Variants in MDN1 observed in about 807,000 individuals in gnomAD.
MDN1 encodes the protein midasin.
In MDN1, 266 loss-of-function variants were observed where a neutral mutation model predicts 669.2. The observed-to-expected ratio is 0.40, with a 90% CI of 0.36 to 0.44. The LOEUF is 0.44. Ranked by LOEUF, MDN1 falls within the 20% of genes least tolerant of loss-of-function variation. The pLI is 1.00. For synonymous variants in MDN1, 2,385 were observed against 2,457.1 expected (o/e 0.97, Z 0.87); for missense variants, 5,940 against 6,754.0 (o/e 0.88, Z 4.22).
rs368974822 is a variant in MDN1 at position 89,700,313 on chromosome 6, GT to G, written c.8639-20del. ...AATTCATCTGGACAAAAAGACAAAT[GT>G]TGTATGAGAGCACAATGGTTAAGAG... On this transcript the variant is annotated intron_variant, in intron 56 of 101. Coordinates refer to ENST00000369393, the MANE Select transcript of MDN1 (RefSeq NM_014611.3). The G allele has an allele frequency of 2.6e-4, 418 of 1,581,304 alleles. 1 individual carries two copies. In the South Asian group the frequency reaches 4.4e-3, roughly 17 times the overall value.
At chr6:89,672,734 C>A (rs1810900731) in intron 80 of MDN1, 32 bp from the exon 81 acceptor site, 1 of 1,603,940 alleles carries the variant, frequency 6.2e-7, no homozygotes. Flanking sequence ...AACAAACATA[C>A]AAACAAAAGA....
At position 89,712,222 on chromosome 6, in the gene MDN1, T is replaced by C. The variant is rs1268288335; in HGVS notation, c.7465A>G (p.Ile2489Val). The change falls in exon 49 of 102, where the codon ATT becomes GTT. Residue 2489 changes from isoleucine (I) to valine (V), a missense_variant. Around this residue, in one of 5 missense-constraint regions of MDN1, gnomAD observed 2,292 missense variants for 2,638.3 expected, o/e 0.87. Coordinates refer to ENST00000369393, the MANE Select transcript of MDN1 (RefSeq NM_014611.3). ...QPFTLQDLEKIMQSPSPENLK... is the reference protein window; with the variant it reads ...QPFTLQDLEKVMQSPSPENLK... Reference sequence around the variant, plus strand: ...TTCTCAGGGCTGGGGGACTGCATAATTTTCTCTAAGTCTTGCAAGGTAAAA... The same window carrying C: ...TTCTCAGGGCTGGGGGACTGCATAACTTTCTCTAAGTCTTGCAAGGTAAAA... 1.2e-5 allele frequency: 19 copies of C among 1,614,114 alleles called. No homozygotes were observed. Among genetic ancestry groups the C allele is most frequent in the Non-Finnish European group, 1.5e-5 (18 of 1,179,988 alleles).
intron 23 of MDN1, 148 bp from the exon 24 acceptor site, chr6:89,750,680 G>A: frequency 2.6e-6 from 2 of 757,664 alleles, no homozygotes; most frequent in Non-Finnish European, 4.2e-6. Flanking sequence ...ATAGCTCACT[G>A]CAGCCTCGAC....
In MDN1 at chr6:89,644,134, G is replaced by C; in HGVS notation, c.16662C>G (p.Ile5554Met). The change falls in exon 102 of 102, where the codon ATC becomes ATG. Residue 5554 changes from isoleucine (I) to methionine (M), a missense_variant. Ile to Met is a conservative substitution (Grantham distance 10). This residue lies in a region of MDN1 where 2,280 missense variants were observed against 2,576.3 expected (regional missense o/e 0.88). Coordinates refer to ENST00000369393, the MANE Select transcript of MDN1 (RefSeq NM_014611.3). The part of the protein sequence containing the change: ...IFKGPGEMPE[I>M]RSYMEEFPFP... ...ATGGGAACTCTTCCATGTAGGATCGGATTTCAGGCATCTCTCCAGGTCCTT... is the reference window on the plus strand; with the variant it reads ...ATGGGAACTCTTCCATGTAGGATCGCATTTCAGGCATCTCTCCAGGTCCTT... 6.2e-7 allele frequency: 1 copy of C among 1,614,130 alleles called. No homozygotes were observed. The highest frequency in any genetic ancestry group is 8.5e-7 in the Non-Finnish European group (1 of 1,180,016).
chr6:89,760,475 G>C (rs532601057), intron 17 of MDN1, among the ~76,000 whole-genome samples: 17 of 152,208 alleles, frequency 1.1e-4, no homozygotes, highest in Admixed American at 3.3e-4. Flanking sequence ...CTCACTTCCA[G>C]GTATTCCCAA....
At chr6:89,818,835 C>CA (rs1007761044) in intron 1 of MDN1, among the ~76,000 whole-genome samples, 2 of 150,562 alleles carry the variant, frequency 1.3e-5, no homozygotes, top group African/African-American at 4.9e-5. Context: ...GTCTTCAACT[C>CA]AGATAGAAGG....
chr6:89,800,635 A>G (rs1767576712), intron 2 of MDN1, among the ~76,000 whole-genome samples: 1 of 152,134 alleles, frequency 6.6e-6, no homozygotes. Flanking sequence ...TCTAGTAAAG[A>G]AACTGTTTTC....
In MDN1 at chr6:89,749,539, A is replaced by G. The variant is rs760486667; in HGVS notation, c.3615+4T>C. 7 of 1,613,816 alleles carry G rather than the reference A, an allele frequency of 4.3e-6. No homozygotes were observed. In the African/African-American group the frequency reaches 8.0e-5, roughly 18 times the overall value. The stretch of plus-strand genomic sequence containing the variant: ...ATTGAAGGAAGGAGACAAATGCTAC[A>G]TACCTTTCTGCCTCCATAAAGTCCT... On this transcript the variant is annotated splice_donor_region_variant and intron_variant, in intron 25 of 101. Transcript: ENST00000369393.
At chr6:89,761,875 A>C in intron 16 of MDN1, 127 bp from the exon 17 acceptor site, 1 of 671,570 alleles carries the variant, frequency 1.5e-6, no homozygotes, top group South Asian at 2.1e-5. Context: ...AAGTCTAAAA[A>C]CTTGTATAAT....
At chr6:89,750,556 C>G in intron 23 of MDN1, 24 bp from the exon 24 acceptor site, 1 of 1,572,774 alleles carries the variant, frequency 6.4e-7, no homozygotes, top group Non-Finnish European at 8.7e-7. Context: ...GCCAATTAAG[C>G]AACTTAAAAC....
chr6:89,806,327 C>T (rs896106127), intron 1 of MDN1, among the ~76,000 whole-genome samples: 1 of 152,102 alleles, frequency 6.6e-6, no homozygotes, highest in African/African-American at 2.4e-5. Context: ...CTTTGGGAGG[C>T]CAAGGTGAGA....
chr6:89,695,535 G>T lies in MDN1; in HGVS notation c.9771+70C>A. On this transcript the variant is annotated intron_variant, in intron 61 of 101. Coordinates refer to ENST00000369393, the MANE Select transcript of MDN1 (RefSeq NM_014611.3). This position sits in a 1 kb window ranked among gnomAD's most constrained non-coding sequence, Gnocchi z 4.1. ...TCTGAGCACCCAAAAGGGAATAAAA[G>T]GAGTAATACAATAAGCAAACCCAGC... The T allele has an allele frequency of 6.6e-7, 1 of 1,506,372 alleles. No individual in the cohort carries two copies. The highest frequency in any genetic ancestry group is 8.9e-7 in the Non-Finnish European group (1 of 1,122,286). 93.3% of individuals were successfully genotyped at this position (1,506,372 alleles called of 1,614,324 possible).
chr6:89,748,157 T>C (rs1176353129), intron 26 of MDN1, among the ~76,000 whole-genome samples: 1 of 152,048 alleles, frequency 6.6e-6, no homozygotes, highest in Non-Finnish European at 1.5e-5. Flanking sequence ...AAACCCCGTC[T>C]CTACTAAAAA....
chr6:89,675,306 G>A, intron 78 of MDN1, 158 bp downstream of exon 78: 1 of 618,624 alleles, frequency 1.6e-6, no homozygotes, highest in Non-Finnish European at 2.8e-6. Context: ...GAAAGCAAGG[G>A]GCAGAGCTGG....
chr6:89,698,912 T>C lies in MDN1; in HGVS notation c.9121A>G (p.Met3041Val). Reference protein sequence around the residue: ...YWLMWNPLPGMQQREAPKSVL... With the variant: ...YWLMWNPLPGVQQREAPKSVL... The stretch of plus-strand genomic sequence containing the variant: ...GACTTGGGTGCCTCCCTCTGCTGCA[T>C]ACCAGGCAAAGGGTTCCACATTAGC... The change falls in exon 59 of 102, where the codon ATG (methionine) becomes GTG (valine). Residue 3041 changes from methionine (M) to valine (V), a missense_variant. Met to Val is a conservative substitution (Grantham distance 21). This residue lies in a region of MDN1 where 2,292 missense variants were observed against 2,638.3 expected (regional missense o/e 0.87). Transcript: ENST00000369393. 6 of 1,614,182 alleles carry C rather than the reference T, an allele frequency of 3.7e-6. No individual in the cohort carries two copies. The highest frequency in any genetic ancestry group is 5.1e-6 in the Non-Finnish European group (6 of 1,180,014).
At chr6:89,746,611 A>AGAAAGAAAG (rs1554191093) in intron 27 of MDN1, among the ~76,000 whole-genome samples, 2 of 40,550 alleles carry the variant, frequency 4.9e-5, no homozygotes, top group African/African-American at 1.8e-4. Context: ...AAAAAAAAAA[A>AGAAAGAAAG]AAAGAAAGAA....
chr6:89,660,407 ACT>A (rs1035833878), intron 88 of MDN1, among the ~76,000 whole-genome samples: 9 of 151,576 alleles, frequency 5.9e-5, no homozygotes, highest in African/African-American at 1.9e-4. Flanking sequence ...CTGGTCTCAA[ACT>A]CTGAGCTCAA....
At chr6:89,737,991 T>G (rs985682633) in intron 33 of MDN1, among the ~76,000 whole-genome samples, 53 of 152,312 alleles carry the variant, frequency 3.5e-4, no homozygotes, top group African/African-American at 1.2e-3. Context: ...CCCAAAGTGC[T>G]GGGATTACAG....
chr6:89,749,648 A>G lies in MDN1; in HGVS notation c.3510T>C (p.Asp1170=), dbSNP rs760440829. 1 of 1,614,200 alleles carries G rather than the reference A, an allele frequency of 6.2e-7. No individual in the cohort carries two copies. Among genetic ancestry groups the G allele is most frequent in the Non-Finnish European group, 8.5e-7 (1 of 1,180,022 alleles). ...TTTCTGTTACTAGCAATTCACGGTT[A>G]TCATCCAACAGCCTATTCAGCGCCT... ...VLEALNRLLD[D]NRELLVTETQ... The change falls in exon 25 of 102, where the codon GAT becomes GAC. Residue 1170 remains aspartate (D), a synonymous_variant. Coordinates refer to ENST00000369393, the MANE Select transcript of MDN1 (RefSeq NM_014611.3).
Sources: gnomAD v4.1 joint callset for allele counts (sites outside exome capture counted in the v4.1 genomes callset) on GRCh38, gnomAD v4.1.1 for gene constraint, gnomAD v4.1.1 regional missense constraint, Gnocchi (gnomAD v3.1) non-coding constraint, MANE v1.5 for transcripts, NCBI Gene and HGNC (gene_info 2026-07-23, HGNC 2026-07-21) for gene names.